The following FAM13A variants were observed in gnomAD, a reference collection of about 807,000 sequenced individuals.
FAM13A encodes protein FAM13A.
A neutral mutation model predicts 129.6 loss-of-function variants in FAM13A; 76 were observed. That is an observed-to-expected ratio of 0.59 (90% CI 0.49 to 0.71). FAM13A has a LOEUF of 0.71. FAM13A is among the 30% of genes least tolerant of loss of function. The probability of loss-of-function intolerance (pLI) is 0.00; values close to 1 mark genes in which losing one functional copy is unlikely to be tolerated. For synonymous variants in FAM13A, 443 were observed against 449.9 expected (o/e 0.98, Z 0.20); for missense variants, 1,108 against 1,249.3 (o/e 0.89, Z 1.70).
At chr4:88,821,237 C>T (rs111964281) in intron 7 of FAM13A, among the ~76,000 whole-genome samples, 2 of 152,162 alleles carry the variant, frequency 1.3e-5, no homozygotes, top group African/African-American at 2.4e-5. Context: ...AAGGTAGGTA[C>T]AGGCTGGCAG....
At chr4:88,787,561 A>G (rs1339585950) in intron 10 of FAM13A, among the ~76,000 whole-genome samples, 192 bp downstream of exon 10, 1 of 152,212 alleles carries the variant, frequency 6.6e-6, no homozygotes, top group African/African-American at 2.4e-5. Context: ...GGAAATATTT[A>G]TGCAATTACC....
intron 1 of FAM13A, among the ~76,000 whole-genome samples, chr4:89,041,771 A>ATT (rs2149160612): frequency 6.6e-6 from 1 of 152,054 alleles, no homozygotes; most frequent in South Asian, 2.1e-4. Context: ...AAATACAAAA[A>ATT]TTAGCCGGTT....
chr4:88,966,412 A>G (rs908259583), intron 4 of FAM13A, among the ~76,000 whole-genome samples: 2 of 152,166 alleles, frequency 1.3e-5, no homozygotes, highest in Non-Finnish European at 2.9e-5. Flanking sequence ...CAGAAAAACT[A>G]AACTAAATTG....
chr4:88,918,044 G>C (rs916414348), intron 5 of FAM13A, among the ~76,000 whole-genome samples: 1 of 152,176 alleles, frequency 6.6e-6, no homozygotes, highest in Non-Finnish European at 1.5e-5. Flanking sequence ...AGCTGTCTTG[G>C]TAAGTGTCCT....
In FAM13A at chr4:88,886,647, C is replaced by T. The variant is rs149588719; in HGVS notation, c.843+19732G>A. ...ATAGGCCTGGTGCAGTGGCTCACGCCTATAATCCCAGCACTTTGGGAGGCT... is the reference window on the plus strand; with the variant it reads ...ATAGGCCTGGTGCAGTGGCTCACGCTTATAATCCCAGCACTTTGGGAGGCT... On this transcript the variant is annotated intron_variant, in intron 6 of 23. Transcript: ENST00000264344. Among the ~76,000 whole-genome samples the T allele has an allele frequency of 2.9e-3, 442 of 151,522 alleles. 3 individuals carry two copies. The highest frequency in any genetic ancestry group is 9.8e-3 in the African/African-American group (404 of 41,334).
At chr4:88,991,441 A>G (rs910654595) in intron 3 of FAM13A, among the ~76,000 whole-genome samples, 1 of 152,136 alleles carries the variant, frequency 6.6e-6, no homozygotes, top group Non-Finnish European at 1.5e-5. Flanking sequence ...CCGTCTCAAA[A>G]TAAAAAATAA....
intron 14 of FAM13A, among the ~76,000 whole-genome samples, chr4:88,752,026 G>T (rs1430482646): frequency 6.6e-6 from 1 of 152,138 alleles, no homozygotes; most frequent in Non-Finnish European, 1.5e-5. Context: ...AGCTGGGTGT[G>T]ACTTCATACC....
chr4:88,977,250 T>C (rs1025688545), intron 4 of FAM13A, among the ~76,000 whole-genome samples: 2 of 152,148 alleles, frequency 1.3e-5, no homozygotes, highest in Non-Finnish European at 2.9e-5. Context: ...AGCCCTGAAA[T>C]ACCACACCAG....
At chr4:88,954,939 G>T (rs944522287) in intron 4 of FAM13A, among the ~76,000 whole-genome samples, 2 of 151,240 alleles carry the variant, frequency 1.3e-5, no homozygotes, top group Non-Finnish European at 2.9e-5. Flanking sequence ...AGTAGTTGTT[G>T]CTTGTTATTC....
At chr4:88,993,673 T>G (rs963815331) in intron 3 of FAM13A, among the ~76,000 whole-genome samples, 1 of 152,118 alleles carries the variant, frequency 6.6e-6, no homozygotes, top group Non-Finnish European at 1.5e-5. Flanking sequence ...ACGGATGTAT[T>G]TAGAGAGTTT....
chr4:88,781,848 G>A (rs9992125), intron 10 of FAM13A, among the ~76,000 whole-genome samples: 2 of 148,728 alleles, frequency 1.3e-5, no homozygotes, highest in East Asian at 2.0e-4. Context: ...TGTGGGGTGG[G>A]GGGAGCGGGG....
chr4:88,752,665 T>C (rs1742865153), intron 14 of FAM13A, among the ~76,000 whole-genome samples: 2 of 152,160 alleles, frequency 1.3e-5, no homozygotes, highest in South Asian at 4.2e-4. Context: ...TCCTCCTAAG[T>C]GGTAGGACTT....
intron 4 of FAM13A, among the ~76,000 whole-genome samples, chr4:88,957,486 T>C (rs1757937897): frequency 6.6e-6 from 1 of 152,216 alleles, no homozygotes; most frequent in African/African-American, 2.4e-5. Flanking sequence ...TTAGACCTCT[T>C]TTCTTCATAA....
chr4:88,921,518 ACCAGG>A (rs1751086874), intron 5 of FAM13A, among the ~76,000 whole-genome samples: 1 of 152,202 alleles, frequency 6.6e-6, no homozygotes, highest in Non-Finnish European at 1.5e-5. Context: ...TTTTGTCACC[ACCAGG>A]CCTACCATAA....
intron 7 of FAM13A, among the ~76,000 whole-genome samples, chr4:88,820,620 A>G (rs1381377534): frequency 6.6e-6 from 1 of 152,202 alleles, no homozygotes; most frequent in Non-Finnish European, 1.5e-5. Flanking sequence ...GCCAGCTGTC[A>G]CTAGCTTTAT....
At chr4:88,812,177 T>C (rs561590979) in intron 7 of FAM13A, among the ~76,000 whole-genome samples, 56 of 152,310 alleles carry the variant, frequency 3.7e-4, no homozygotes, top group African/African-American at 1.3e-3. Context: ...TTATAAATTA[T>C]CCAGCCCATG....
chr4:88,749,646 T>A (rs904149337), intron 16 of FAM13A, 125 bp downstream of exon 16: 1 of 918,644 alleles, frequency 1.1e-6, no homozygotes, highest in African/African-American at 1.7e-5. Context: ...CAGGGTTTAC[T>A]GCCTTTTTGT....
chr4:88,798,732 T>C (rs1726775785), intron 8 of FAM13A, among the ~76,000 whole-genome samples: 1 of 152,210 alleles, frequency 6.6e-6, no homozygotes, highest in South Asian at 2.1e-4. Flanking sequence ...ATATCATCAT[T>C]GGATATTAAA....
intron 5 of FAM13A, among the ~76,000 whole-genome samples, chr4:88,907,294 C>T (rs1748323011): frequency 6.6e-6 from 1 of 152,120 alleles, no homozygotes; most frequent in South Asian, 2.1e-4. Flanking sequence ...ATTTTTTTCA[C>T]TTATTCCATA....
Sources: gnomAD v4.1 joint callset for allele counts (sites outside exome capture counted in the v4.1 genomes callset) on GRCh38, gnomAD v4.1.1 for gene constraint, MANE v1.5 for transcripts, NCBI Gene and HGNC (gene_info 2026-07-23, HGNC 2026-07-21) for gene names.